Variants in TRPV2 observed in about 807,000 individuals in gnomAD.
TRPV2 encodes OTRPC2.
Under a neutral mutation model 91.0 loss-of-function variants are expected in TRPV2, and 58 were observed. The ratio of observed to expected loss-of-function variants is 0.64; its 90% CI spans 0.52 to 0.79. The LOEUF (loss-of-function observed/expected upper bound fraction) is 0.79. Among genes scored for constraint, TRPV2 ranks in the 30% least tolerant of loss-of-function variants. The probability of loss-of-function intolerance (pLI) is 0.00; values close to 1 mark genes in which losing one functional copy is unlikely to be tolerated. For missense variants in TRPV2, 807 were observed against 969.6 expected (o/e 0.83, Z 2.23); for synonymous variants, 417 against 414.8 (o/e 1.01, Z -0.06).
chr17:16,433,010 G>T (rs947284224), intron 12 of TRPV2, among the ~76,000 whole-genome samples: 1 of 152,034 alleles, frequency 6.6e-6, no homozygotes, highest in Non-Finnish European at 1.5e-5. Context: ...TCACCATGTT[G>T]GTCAAGCTGG....
In TRPV2 at chr17:16,423,588, C is replaced by T; in HGVS notation, c.745C>T (p.Leu249=). 1.2e-6 allele frequency: 2 copies of T among 1,614,238 alleles called. No individual in the cohort carries two copies. Among genetic ancestry groups the T allele is most frequent in the African/African-American group, 2.7e-5 (2 of 75,054 alleles). Residue 249 remains leucine (L), a synonymous_variant, in exon 5 of 15, where the codon CTG becomes TTG. Transcript: ENST00000338560. ...CACTGACTCCCAGGGCAACACAGTCCTGCATGCCCTAGTGATGATCTCGGA... is the reference window on the plus strand; with the variant it reads ...CACTGACTCCCAGGGCAACACAGTCTTGCATGCCCTAGTGATGATCTCGGA... The part of the protein sequence containing the change: ...QATDSQGNTV[L]HALVMISDNS...
In TRPV2 at chr17:16,426,745, G is replaced by A. The variant is rs769231167; in HGVS notation, c.1119G>A (p.Leu373=). 1.9e-5 allele frequency: 31 copies of A among 1,613,740 alleles called. No homozygotes were observed. Among genetic ancestry groups the A allele is most frequent in the Non-Finnish European group, 2.6e-5 (31 of 1,179,912 alleles). ...KSPHRHRMVV[L]EPLNKLLQAK... is the part of the protein sequence containing the mutation. ...AGCACCGACACCGAATGGTCGTTTT[G>A]GAGCCCCTGAACAAACTGCTGCAGG... The change falls in exon 7 of 15, where the codon TTG becomes TTA. Residue 373 remains leucine (L), a synonymous_variant. Coordinates refer to ENST00000338560, the MANE Select transcript of TRPV2 (RefSeq NM_016113.5). This position sits in a 1 kb window ranked among gnomAD's most constrained non-coding sequence, Gnocchi z 6.0.
rs1397928185 is a variant in TRPV2 at position 16,435,684 on chromosome 17, C to T, written c.2194+715C>T. ...ACTGGTTCACCTCCTCTCCTTTCTC[C>T]ATCTCTTTCCTGACAAATTTCACTT... On this transcript the variant is annotated intron_variant, in intron 14 of 14. Coordinates refer to ENST00000338560, the MANE Select transcript of TRPV2 (RefSeq NM_016113.5). This position sits in a 1 kb window ranked among gnomAD's most constrained non-coding sequence, Gnocchi z 4.2. Among the ~76,000 whole-genome samples, 2 of 152,122 alleles carry T rather than the reference C, an allele frequency of 1.3e-5. No individual in the cohort carries two copies. The highest frequency in any genetic ancestry group is 2.9e-5 in the Non-Finnish European group (2 of 68,026).
chr17:16,425,006 A>G (rs12150629), intron 5 of TRPV2, among the ~76,000 whole-genome samples: 2,002 of 146,748 alleles, frequency 0.014, 35 homozygotes, highest in Non-Finnish European at 0.019. Flanking sequence ...ATTTTCTTCC[A>G]AACTTTTGCA....
chr17:16,423,622 C>T lies in TRPV2; in HGVS notation c.779C>T (p.Ala260Val), dbSNP rs1188422702. 1.9e-6 allele frequency: 3 copies of T among 1,613,928 alleles called. No individual in the cohort carries two copies. The highest frequency in any genetic ancestry group is 8.5e-7 in the Non-Finnish European group (1 of 1,179,952). ...CTAGTGATGATCTCGGACAACTCAGCTGAGAACATTGCACTGGTGACCAGC... is the reference window on the plus strand; with the variant it reads ...CTAGTGATGATCTCGGACAACTCAGTTGAGAACATTGCACTGGTGACCAGC... ...HALVMISDNS[A>V]ENIALVTSMY... The change falls in exon 5 of 15, where the codon GCT (alanine) becomes GTT (valine). Residue 260 changes from alanine to valine, a missense_variant. Coordinates refer to ENST00000338560, the MANE Select transcript of TRPV2 (RefSeq NM_016113.5).
Position 16,428,800 on chromosome 17 carries a change from A to G in TRPV2, c.1422-17A>G, listed in dbSNP as rs755017295. ...CCAAGTGGCCCGCAAGCCCACCTGG[A>G]TTCTGCTCCCACACAGCCTGTTCCA... On this transcript the variant is annotated splice_polypyrimidine_tract_variant and intron_variant, in intron 9 of 14. Transcript: ENST00000338560. 3.1e-6 allele frequency: 5 copies of G among 1,612,494 alleles called. No homozygotes were observed. Among genetic ancestry groups the G allele is most frequent in the Non-Finnish European group, 4.2e-6 (5 of 1,179,882 alleles).
chr17:16,423,858 A>C (rs1479417266), intron 5 of TRPV2, 91 bp downstream of exon 5: 21 of 1,324,218 alleles, frequency 1.6e-5, no homozygotes, highest in Admixed American at 2.7e-5. Flanking sequence ...GGGGTGGTGA[A>C]GAGCAGTGGC....
chr17:16,415,708 G>C lies in TRPV2; in HGVS notation c.-233G>C, dbSNP rs894869017. ...AGCTTAGTGCTCAGAGCTGGGGAGG[G>C]AGGTTCCGCCGCTCCTCTGCTGTCA... On this transcript the variant is annotated 5_prime_UTR_variant, in exon 1 of 15. Coordinates refer to ENST00000338560, the MANE Select transcript of TRPV2 (RefSeq NM_016113.5). This position sits in a 1 kb window ranked among gnomAD's most constrained non-coding sequence, Gnocchi z 4.5. 1 of 152,192 alleles carries C rather than the reference G, an allele frequency of 6.6e-6. No homozygotes were observed. Among genetic ancestry groups the C allele is most frequent in the Non-Finnish European group, 1.5e-5 (1 of 68,052 alleles). The allele number at this position is 152,192 out of a possible 1,614,324, so 9.4% of individuals were successfully genotyped here. A position where few individuals can be genotyped will look rare whatever the true frequency, so the allele number is the denominator to read the frequency against.
Position 16,435,109 on chromosome 17 carries a change from A to T in TRPV2, c.2194+140A>T, listed in dbSNP as rs2093429796. On this transcript the variant is annotated intron_variant, in intron 14 of 14. Coordinates refer to ENST00000338560, the MANE Select transcript of TRPV2 (RefSeq NM_016113.5). This position sits in a 1 kb window ranked among gnomAD's most constrained non-coding sequence, Gnocchi z 4.2. ...AGATCCCCACATGCCAGCTCCTCTTAGAGGGATTGCCTCCTTAAAACAGTG... is the reference window on the plus strand; with the variant it reads ...AGATCCCCACATGCCAGCTCCTCTTTGAGGGATTGCCTCCTTAAAACAGTG... The T allele has an allele frequency of 1.7e-6, 1 of 590,258 alleles. No individual in the cohort carries two copies. The highest frequency in any genetic ancestry group is 4.0e-5 in the Admixed American group (1 of 24,718). The allele number at this position is 590,258 out of a possible 1,614,324, so 36.6% of individuals were successfully genotyped here.
intron 4 of TRPV2, 35 bp downstream of exon 4, chr17:16,422,924 G>T: frequency 2.6e-6 from 4 of 1,543,974 alleles, no homozygotes; most frequent in Non-Finnish European, 3.5e-6. Context: ...TCGAGGCAAA[G>T]AGAGAGTAAG....
In TRPV2 at chr17:16,431,629, C is replaced by T. The variant is rs1183967657; in HGVS notation, c.1588-155C>T. Reference sequence around the variant, plus strand: ...TGAGATATATTTTTAAAAGACTCCTCTGCTCGGTGTGGCTCCACAGGCCCA... The same window carrying T: ...TGAGATATATTTTTAAAAGACTCCTTTGCTCGGTGTGGCTCCACAGGCCCA... On this transcript the variant is annotated intron_variant, in intron 10 of 14. Transcript: ENST00000338560. Among the ~76,000 whole-genome samples the T allele has an allele frequency of 2.6e-5, 4 of 152,056 alleles. No homozygotes were observed. In the East Asian group the frequency reaches 7.7e-4, roughly 29 times the overall value.
At chr17:16,425,127 C>A (rs145964330) in intron 5 of TRPV2, among the ~76,000 whole-genome samples, 7 of 149,042 alleles carry the variant, frequency 4.7e-5, no homozygotes, top group South Asian at 2.1e-4. Flanking sequence ...GGAGTTCAAG[C>A]GATTCTCTTG....
chr17:16,422,602 G>A lies in TRPV2; in HGVS notation c.338G>A (p.Gly113Asp). The A allele has an allele frequency of 3.1e-6, 5 of 1,612,546 alleles. No individual in the cohort carries two copies. Among genetic ancestry groups the A allele is most frequent in the Non-Finnish European group, 4.2e-6 (5 of 1,179,002 alleles). ...KYLTDSEYTE[G>D]STGKTCLMKA... ...TTCCCCTCCCTTCTTCCCACAGAGG[G>A]CTCCACAGGTAAGACGTGCCTGATG... Residue 113 changes from glycine (G) to aspartate (D), a missense_variant, in exon 4 of 15, where the codon GGC (glycine) becomes GAC (aspartate). Coordinates refer to ENST00000338560, the MANE Select transcript of TRPV2 (RefSeq NM_016113.5).
rs745490457 is a variant in TRPV2, at chr17:16,434,838, G to A, written c.2115-52G>A. ...GGGGCCACGCCCCTCTCCGGGGTGG[G>A]AGGGGAGGCGGTCAAAGCAGGCAAA... On this transcript the variant is annotated intron_variant, in intron 13 of 14. Transcript: ENST00000338560. 1.9e-6 allele frequency: 3 copies of A among 1,578,482 alleles called. No homozygotes were observed. The South Asian group carries it at 3.4e-5, about 18-fold the overall frequency.
At chr17:16,419,238 A>G (rs544708177) in intron 2 of TRPV2, 56 of 456,210 alleles carry the variant, frequency 1.2e-4, no homozygotes, top group Admixed American at 6.8e-4. Context: ...AACACAGCCC[A>G]GGAGGGAATG....
chr17:16,425,404 A>T (rs187272646), intron 5 of TRPV2, among the ~76,000 whole-genome samples: 75 of 152,326 alleles, frequency 4.9e-4, no homozygotes, highest in African/African-American at 1.7e-3. Flanking sequence ...GGCAGCCCCC[A>T]CTTTGTTCCA....
rs1447448461 is a variant in TRPV2 at position 16,426,752 on chromosome 17, C to T, written c.1126C>T (p.Leu376=). Residue 376 remains leucine (L), a synonymous_variant, in exon 7 of 15, where the codon CTG becomes TTG. Transcript: ENST00000338560. The surrounding 1 kb of genome is among the most constrained non-coding windows in gnomAD (Gnocchi z 6.0). ...HRHRMVVLEP[L]NKLLQAKWDL... ...ACACCGAATGGTCGTTTTGGAGCCC[C>T]TGAACAAACTGCTGCAGGCGAAATG... is the stretch of plus-strand genomic sequence containing the variant. 2 of 1,613,944 alleles carry T rather than the reference C, an allele frequency of 1.2e-6. No homozygotes were observed. The highest frequency in any genetic ancestry group is 1.7e-6 in the Non-Finnish European group (2 of 1,179,988).
rs2093327643 is a variant in TRPV2 at position 16,415,799 on chromosome 17, C to T, written c.-142C>T. The stretch of plus-strand genomic sequence containing the variant: ...CCTGCTACTGAGAAGCTCCGGGATC[C>T]CAGCAGCCGCCACGCCCTGGCCTCA... On this transcript the variant is annotated 5_prime_UTR_variant, in exon 1 of 15. Transcript: ENST00000338560. The surrounding 1 kb of genome is among the most constrained non-coding windows in gnomAD (Gnocchi z 4.5). 6.6e-6 allele frequency: 1 copy of T among 152,336 alleles called. No individual in the cohort carries two copies. Among genetic ancestry groups the T allele is most frequent in the Admixed American group, 6.5e-5 (1 of 15,282 alleles). The allele number at this position is 152,336 out of a possible 1,614,324, so 9.4% of individuals were successfully genotyped here.
At chr17:16,421,518 C>CTT (rs1450829843) in intron 3 of TRPV2, among the ~76,000 whole-genome samples, 1 of 142,640 alleles carries the variant, frequency 7.0e-6, no homozygotes, top group African/African-American at 2.8e-5. Context: ...CGCGCCTGGC[C>CTT]ATTTTTTTTT....
Sources: gnomAD v4.1 joint callset for allele counts (sites outside exome capture counted in the v4.1 genomes callset) on GRCh38, gnomAD v4.1.1 for gene constraint, Gnocchi (gnomAD v3.1) non-coding constraint, MANE v1.5 for transcripts, NCBI Gene and HGNC (gene_info 2026-07-23, HGNC 2026-07-21) for gene names.